PARD3B: variants seen among roughly 807,000 people sequenced by gnomAD.
PARD3B encodes partitioning defective 3 homolog B.
A neutral mutation model predicts 130.2 loss-of-function variants in PARD3B; 103 were observed. The ratio of observed to expected loss-of-function variants is 0.79; its 90% CI spans 0.67 to 0.93. The LOEUF (loss-of-function observed/expected upper bound fraction) is 0.93, where lower values mean the gene tolerates loss of function less well. Among genes scored for constraint, PARD3B ranks in the 40% least tolerant of loss-of-function variants. The probability of loss-of-function intolerance (pLI) is 0.00; values close to 1 mark genes in which losing one functional copy is unlikely to be tolerated. For synonymous variants in PARD3B, 583 were observed against 553.2 expected (o/e 1.05, Z -0.76); for missense variants, 1,609 against 1,499.2 (o/e 1.07, Z -1.21).
At chr2:204,684,059 C>CTTTGGCTATTT (rs1209782393) in intron 1 of PARD3B, among the ~76,000 whole-genome samples, 1 of 152,138 alleles carries the variant, frequency 6.6e-6, no homozygotes, top group African/African-American at 2.4e-5. Context: ...CAAATCCTAT[C>CTTTGGCTATTT]TTTGGCTATT....
In PARD3B at chr2:205,558,842, CTCT is replaced by C. The variant is rs2053015193; in HGVS notation, c.3260+5447_3260+5449del. 1.3e-5 allele frequency among the ~76,000 whole-genome samples: 2 copies of C among 152,184 alleles called. No individual in the cohort carries two copies. The highest frequency in any genetic ancestry group is 4.8e-5 in the African/African-American group (2 of 41,440). On this transcript the variant is annotated intron_variant, in intron 22 of 22. Coordinates refer to ENST00000406610, the MANE Select transcript of PARD3B (RefSeq NM_001302769.2). This position sits in a 1 kb window ranked among gnomAD's most constrained non-coding sequence, Gnocchi z 4.8. The stretch of plus-strand genomic sequence containing the variant: ...CCAAAACCCATGCCATCTTCCTTTG[CTCT>C]TCTTCTTTTAAACTTCCATAGCATT...
intron 21 of PARD3B, among the ~76,000 whole-genome samples, chr2:205,537,756 C>T (rs2051929787): frequency 6.6e-6 from 1 of 152,198 alleles, no homozygotes; most frequent in African/African-American, 2.4e-5. Flanking sequence ...ACACATGGTC[C>T]TGGCATTTAT....
At chr2:205,573,123 C>G (rs982267312) in intron 22 of PARD3B, among the ~76,000 whole-genome samples, 2 of 152,074 alleles carry the variant, frequency 1.3e-5, no homozygotes, top group East Asian at 3.9e-4. Context: ...GGTAACCACC[C>G]CCATGATTCG....
rs181117099 is a variant in PARD3B at position 205,100,308 on chromosome 2, A to G, written c.505-4118A>G. On this transcript the variant is annotated intron_variant, in intron 4 of 22. Coordinates refer to ENST00000406610, the MANE Select transcript of PARD3B (RefSeq NM_001302769.2). ...TTGACACTCTGAGGATACATCCCAT[A>G]CAGAATTATAAAACTAAAAAGAATA... 9.2e-4 allele frequency among the ~76,000 whole-genome samples: 140 copies of G among 152,280 alleles called. 2 individuals carry two copies. The highest frequency in any genetic ancestry group is 6.8e-3 in the Middle Eastern group (2 of 294).
chr2:204,792,901 AT>A (rs143691383), intron 2 of PARD3B, among the ~76,000 whole-genome samples: 8,081 of 143,606 alleles, frequency 0.056, 323 homozygotes, highest in African/African-American at 0.11. Flanking sequence ...GGCTTTACCT[AT>A]TTTTTTTTTT....
intron 4 of PARD3B, among the ~76,000 whole-genome samples, chr2:205,059,248 AG>A (rs948397904): frequency 3.3e-5 from 5 of 151,992 alleles, no homozygotes; most frequent in African/African-American, 1.2e-4. Flanking sequence ...CATACCTTAG[AG>A]GGTTTATTTC....
At chr2:205,468,190 G>A (rs1003294144) in intron 20 of PARD3B, among the ~76,000 whole-genome samples, 6 of 152,220 alleles carry the variant, frequency 3.9e-5, no homozygotes, top group Admixed American at 1.3e-4. Context: ...TGGAATATGT[G>A]TAATCCCTCC....
At chr2:204,780,688 G>A (rs1017442482) in intron 2 of PARD3B, among the ~76,000 whole-genome samples, 5 of 152,072 alleles carry the variant, frequency 3.3e-5, no homozygotes, top group Admixed American at 2.6e-4. Context: ...GTGCATAGAA[G>A]CTACGTATCT....
intron 2 of PARD3B, among the ~76,000 whole-genome samples, chr2:204,916,032 C>T (rs1012261397): frequency 2.0e-5 from 3 of 152,140 alleles, no homozygotes; most frequent in Admixed American, 6.5e-5. Flanking sequence ...TAGATGGCTT[C>T]AGTCAAGGGA....
chr2:205,323,532 G>T (rs182613951), intron 18 of PARD3B, among the ~76,000 whole-genome samples: 1 of 152,170 alleles, frequency 6.6e-6, no homozygotes, highest in East Asian at 1.9e-4. Context: ...TACGCAAAGG[G>T]GACTATGAAA....
intron 3 of PARD3B, among the ~76,000 whole-genome samples, chr2:205,045,112 G>GTTTTTTTTTTT (rs201589277): frequency 7.2e-6 from 1 of 138,584 alleles, no homozygotes. Flanking sequence ...CCATCTTAAA[G>GTTTTTTTTTTT]TTTTTTTTTT....
At chr2:204,560,236 T>C (rs1283293956) in intron 1 of PARD3B, among the ~76,000 whole-genome samples, 1 of 152,174 alleles carries the variant, frequency 6.6e-6, no homozygotes, top group Non-Finnish European at 1.5e-5. Flanking sequence ...GACTTCCAAT[T>C]AGGGGATCCT....
chr2:204,983,757 A>G lies in PARD3B; in HGVS notation c.394+18434A>G, dbSNP rs191219751. Among the ~76,000 whole-genome samples, 12 of 152,328 alleles carry G rather than the reference A, an allele frequency of 7.9e-5. No individual in the cohort carries two copies. The East Asian group carries it at 2.1e-3, about 27-fold the overall frequency. On this transcript the variant is annotated intron_variant, in intron 3 of 22. Coordinates refer to ENST00000406610, the MANE Select transcript of PARD3B (RefSeq NM_001302769.2). ...ATCCTTAGGATCAGAAGTTGTAACCAAGAGAATTTAGTATAGACATTGTAA... is the reference window on the plus strand; with the variant it reads ...ATCCTTAGGATCAGAAGTTGTAACCGAGAGAATTTAGTATAGACATTGTAA...
At chr2:204,620,396 G>C (rs1559189363) in intron 1 of PARD3B, among the ~76,000 whole-genome samples, 1 of 152,130 alleles carries the variant, frequency 6.6e-6, no homozygotes, top group African/African-American at 2.4e-5. Flanking sequence ...CCCGGTCCAT[G>C]CACCTTTCTT....
chr2:205,214,543 A>T (rs1181252139), intron 15 of PARD3B, among the ~76,000 whole-genome samples: 1 of 152,060 alleles, frequency 6.6e-6, no homozygotes, highest in Admixed American at 6.6e-5. Context: ...AAATAAATTG[A>T]GAATATTCCA....
intron 15 of PARD3B, among the ~76,000 whole-genome samples, chr2:205,214,504 A>G (rs76338558): frequency 1.3e-5 from 2 of 150,880 alleles, no homozygotes; most frequent in East Asian, 3.9e-4. Context: ...AAAAAAAAAA[A>G]TCCTGACTCA....
At chr2:205,331,782 CAAAA>C (rs56654511) in intron 18 of PARD3B, among the ~76,000 whole-genome samples, 2,051 of 48,336 alleles carry the variant, frequency 0.042, 29 homozygotes, top group Middle Eastern at 0.16. Context: ...GACTCCGTCT[CAAAA>C]AAAAAAAAAA....
At chr2:204,999,964 G>T (rs931429845) in intron 3 of PARD3B, among the ~76,000 whole-genome samples, 3 of 151,954 alleles carry the variant, frequency 2.0e-5, no homozygotes, top group Admixed American at 2.0e-4. Context: ...CTTTGATTCT[G>T]GGGGTTTGCA....
At chr2:205,414,153 C>G (rs991060138) in intron 19 of PARD3B, among the ~76,000 whole-genome samples, 1 of 152,132 alleles carries the variant, frequency 6.6e-6, no homozygotes, top group Non-Finnish European at 1.5e-5. Context: ...TGCCATCAAG[C>G]TACTCTTTCA....
Sources: gnomAD v4.1 joint callset for allele counts (sites outside exome capture counted in the v4.1 genomes callset) on GRCh38, gnomAD v4.1.1 for gene constraint, Gnocchi (gnomAD v3.1) non-coding constraint, MANE v1.5 for transcripts, NCBI Gene and HGNC (gene_info 2026-07-23, HGNC 2026-07-21) for gene names.